C9orf85: variants seen among roughly 807,000 people sequenced by gnomAD.
C9orf85 encodes the protein uncharacterized protein C9orf85.
In C9orf85, 16 loss-of-function variants were observed where a neutral mutation model predicts 14.9. The observed-to-expected ratio is 1.08, with a 90% confidence interval of 0.73 to 1.63. C9orf85 has a LOEUF of 1.63. Ranked by LOEUF, C9orf85 falls within the 40% of genes most tolerant of loss-of-function variation. C9orf85 has a pLI of 0.00. For missense variants in C9orf85, 172 were observed against 186.1 expected (o/e 0.92, Z 0.44); for synonymous variants, 45 against 56.8 (o/e 0.79, Z 0.93).
intron 2 of C9orf85, among the ~76,000 whole-genome samples, chr9:71,967,246 T>G (rs1453962758): frequency 3.3e-5 from 5 of 152,226 alleles, no homozygotes; most frequent in Non-Finnish European, 5.9e-5. Context: ...TTAGGGATAG[T>G]CAGTTTTTCC....
chr9:71,919,979 A>G (rs1338912258), intron 1 of C9orf85, among the ~76,000 whole-genome samples: 1 of 151,594 alleles, frequency 6.6e-6, no homozygotes, highest in Non-Finnish European at 1.5e-5. Flanking sequence ...CCTCCCAAGT[A>G]GCTGGGATTA....
At chr9:71,979,585 C>T (rs1823060065) in intron 3 of C9orf85, among the ~76,000 whole-genome samples, 2 of 152,158 alleles carry the variant, frequency 1.3e-5, no homozygotes, top group African/African-American at 2.4e-5. Flanking sequence ...GAAAGTCAGG[C>T]TTGCTATTCA....
chr9:71,959,090 C>T (rs1353002814), intron 2 of C9orf85, among the ~76,000 whole-genome samples: 2 of 151,838 alleles, frequency 1.3e-5, no homozygotes, highest in Non-Finnish European at 2.9e-5. Context: ...AATTTGAATT[C>T]AGAGTGGACA....
chr9:71,914,296 A>AT (rs1449971614), intron 1 of C9orf85, among the ~76,000 whole-genome samples: 1 of 151,576 alleles, frequency 6.6e-6, no homozygotes, highest in African/African-American at 2.4e-5. Flanking sequence ...AAATTCGTAA[A>AT]TTTTCTTAAA....
chr9:71,913,661 C>G (rs1409727327), intron 1 of C9orf85, among the ~76,000 whole-genome samples: 1 of 152,156 alleles, frequency 6.6e-6, no homozygotes, highest in African/African-American at 2.4e-5. Flanking sequence ...CTTGTGTATT[C>G]TTACCCTAAG....
At chr9:71,932,315 A>G (rs920926562) in intron 1 of C9orf85, among the ~76,000 whole-genome samples, 15 of 152,134 alleles carry the variant, frequency 9.9e-5, no homozygotes, top group African/African-American at 3.1e-4. Flanking sequence ...CTTTCTTGGC[A>G]TTAATCATAC....
At chr9:71,975,441 C>CAA (rs35034545), downstream of C9orf85, among the ~76,000 whole-genome samples, 9 of 94,480 alleles carry the variant, frequency 9.5e-5, no homozygotes, top group Admixed American at 3.7e-4. Flanking sequence ...GACTCCATCT[C>CAA]AAAAAAAAAA....
chr9:71,962,453 C>A (rs1822544308), intron 2 of C9orf85, among the ~76,000 whole-genome samples: 1 of 152,168 alleles, frequency 6.6e-6, no homozygotes, highest in Non-Finnish European at 1.5e-5. Context: ...TATGAAACTT[C>A]AGCAATGTTG....
chr9:71,974,159 T>C (rs1053391337), downstream of C9orf85, among the ~76,000 whole-genome samples: 9 of 151,734 alleles, frequency 5.9e-5, no homozygotes, highest in Admixed American at 2.6e-4. Context: ...ACTCCTGACC[T>C]CAGGTGATCC....
intron 1 of C9orf85, among the ~76,000 whole-genome samples, chr9:71,936,532 G>A (rs1828196696): frequency 6.6e-6 from 1 of 151,992 alleles, no homozygotes. Context: ...AAGGAAAGGT[G>A]TGCTTCCCAT....
intron 1 of C9orf85, among the ~76,000 whole-genome samples, chr9:71,927,898 T>C (rs937397823): frequency 2.0e-5 from 3 of 152,090 alleles, no homozygotes; most frequent in Non-Finnish European, 4.4e-5. Context: ...GTTACTTGCA[T>C]TTCATGGCCA....
chr9:71,962,209 A>C (rs117179170), intron 2 of C9orf85, among the ~76,000 whole-genome samples: 3,405 of 152,334 alleles, frequency 0.022, 56 homozygotes, highest in South Asian at 0.06. Context: ...TGTCTACTGC[A>C]TTAAGACAAG....
chr9:71,972,830 T>A lies in C9orf85; in HGVS notation c.462T>A (p.His154Gln). The change falls in exon 4 of 4, where the codon CAT becomes CAA. Residue 154 changes from histidine to glutamine, a missense_variant. By Grantham distance (24) the His-to-Gln change is conservative (BLOSUM62 0). Coordinates refer to ENST00000334731, the MANE Select transcript of C9orf85 (RefSeq NM_182505.5). Reference protein sequence around the residue: ...DIDLEDTGGDHQMN With the variant: ...DIDLEDTGGDQQMN ...ATTTAGAAGACACAGGAGGAGACCATCAAATGAATTAATATCACTGTATTA... is the reference window on the plus strand; with the variant it reads ...ATTTAGAAGACACAGGAGGAGACCAACAAATGAATTAATATCACTGTATTA... The A allele has an allele frequency of 1.9e-6, 3 of 1,605,520 alleles. No homozygotes were observed. The highest frequency in any genetic ancestry group is 2.6e-6 in the Non-Finnish European group (3 of 1,176,464).
intron 1 of C9orf85, among the ~76,000 whole-genome samples, chr9:71,930,303 T>C (rs1481081944): frequency 6.6e-6 from 1 of 152,080 alleles, no homozygotes; most frequent in Non-Finnish European, 1.5e-5. Context: ...ATGATAAGGA[T>C]ACTAGAAGAT....
chr9:71,916,515 C>T (rs181924535), intron 1 of C9orf85, among the ~76,000 whole-genome samples: 44 of 152,064 alleles, frequency 2.9e-4, no homozygotes, highest in African/African-American at 8.9e-4. Context: ...GGCTATGGAA[C>T]GCTTTGATTT....
At position 71,926,555 on chromosome 9, in the gene C9orf85, G is replaced by A. The variant is rs74766760; in HGVS notation, c.102+14719G>A. On this transcript the variant is annotated intron_variant, in intron 1 of 3. Coordinates refer to ENST00000334731, the MANE Select transcript of C9orf85 (RefSeq NM_182505.5). ...CACAGAAGAGTACTTTTAAAAACCC[G>A]AAACCCGAAGTATCCTAAATTATAT... Among the ~76,000 whole-genome samples, 1,373 of 145,764 alleles carry A rather than the reference G, an allele frequency of 9.4e-3. 20 individuals are homozygous for A. Among genetic ancestry groups the A allele is most frequent in the African/African-American group, 0.032 (1,270 of 39,264 alleles).
intron 1 of C9orf85, among the ~76,000 whole-genome samples, chr9:71,944,237 A>AG (rs113524292): frequency 5.6e-4 from 11 of 19,616 alleles, no homozygotes; most frequent in Admixed American, 9.9e-4. Context: ...CTGTCTCAAA[A>AG]AAAAAAAAAA....
intron 3 of C9orf85, among the ~76,000 whole-genome samples, chr9:71,982,215 A>G (rs939990762): frequency 4.0e-5 from 6 of 151,836 alleles, no homozygotes; most frequent in Admixed American, 2.0e-4. Flanking sequence ...ATGTTAAAAC[A>G]TGTACCGATA....
downstream of C9orf85, among the ~76,000 whole-genome samples, chr9:71,976,417 C>T (rs934218147): frequency 6.6e-6 from 1 of 152,128 alleles, no homozygotes. Context: ...AATCCCAGTA[C>T]TTTGGGAGGC....
Sources: gnomAD v4.1 joint callset for allele counts (sites outside exome capture counted in the v4.1 genomes callset) on GRCh38, gnomAD v4.1.1 for gene constraint, MANE v1.5 for transcripts, NCBI Gene and HGNC (gene_info 2026-07-23, HGNC 2026-07-21) for gene names.